SPC24: variants seen among roughly 807,000 people sequenced by gnomAD.
SPC24 encodes SPC24 component of NDC80 kinetochore complex, also known as kinetochore protein Spc24.
Under a neutral mutation model 27.6 loss-of-function variants are expected in SPC24, and 31 were observed. That is an observed-to-expected ratio of 1.12 (90% CI 0.84 to 1.52). The LOEUF (loss-of-function observed/expected upper bound fraction) is 1.52, where lower values mean the gene tolerates loss of function less well. Among genes scored for constraint, SPC24 ranks in the 40% most tolerant of loss-of-function variants. The probability of loss-of-function intolerance (pLI) is 0.00; values close to 1 mark genes in which losing one functional copy is unlikely to be tolerated. For synonymous variants in SPC24, 105 were observed against 105.8 expected, an observed-to-expected ratio of 0.99 and a Z score of 0.05; for missense variants, 284 against 252.5, an observed-to-expected ratio of 1.12 and a Z score of -0.84.
chr19:11,151,623 G>T (rs954736999), intron 1 of SPC24, among the ~76,000 whole-genome samples: 5,123 of 151,636 alleles, frequency 0.034, 299 homozygotes, highest in African/African-American at 0.12. Flanking sequence ...TTTTTTTGGG[G>T]GGGGGGGATG....
chr19:11,148,146 T>A, intron 2 of SPC24, 29 bp from the exon 3 acceptor site: 1 of 1,530,606 alleles, frequency 6.5e-7, no homozygotes, highest in East Asian at 2.3e-5. Flanking sequence ...GACCCCGGCT[T>A]TCGAGAGAGG....
Position 11,148,060 on chromosome 19 carries a change from C to G in SPC24, c.363G>C (p.Gln121His). The G allele has an allele frequency of 6.2e-7, 1 of 1,613,910 alleles. No individual in the cohort carries two copies. Among genetic ancestry groups the G allele is most frequent in the Non-Finnish European group, 8.5e-7 (1 of 1,179,886 alleles). ...TCGTGTCCTCGTCGACCTCCTTCTC[C>G]TGTCGCTCCAGATCCGCCTCAATCT... ...LKEIEADLER[Q>H]EKEVDEDTTV... Residue 121 changes from glutamine (Q) to histidine (H), a missense_variant, in exon 3 of 5, where the codon CAG (glutamine) becomes CAC (histidine). Physicochemically the swap from Gln to His is conservative, Grantham distance 24. Transcript: ENST00000592540.
Position 11,147,234 on chromosome 19 carries a change from GGA to G in SPC24, c.541_542del (p.Ser181GlnfsTer52). On this transcript the variant is annotated frameshift_variant, in exon 5 of 5. Coordinates refer to ENST00000592540, the MANE Select transcript of SPC24 (RefSeq NM_182513.4). LOFTEE classifies it high-confidence loss of function. The stretch of plus-strand genomic sequence containing the variant: ...AGAGGTAGTCGCTGATGAATTTCCT[GGA>G]GAGCTGGGTGCTGTCCAGGTGGATG... ...QPIHLDSTQL[S>X]RKFISDYLWS... 6.4e-7 allele frequency: 1 copy of G among 1,563,852 alleles called. No homozygotes were observed. The highest frequency in any genetic ancestry group is 8.7e-7 in the Non-Finnish European group (1 of 1,153,508).
rs1555812072 is a variant in SPC24, at chr19:11,146,479, A to AAAAG, written c.*703_*704insCTTT. 3 of 144,072 alleles carry AAAAG rather than the reference A, an allele frequency of 2.1e-5. No homozygotes were observed. The highest frequency in any genetic ancestry group is 7.1e-5 in the Admixed American group (1 of 14,174). 8.9% of individuals were successfully genotyped at this position (144,072 alleles called of 1,614,324 possible). A position where few individuals can be genotyped will look rare whatever the true frequency, so the allele number is the denominator to read the frequency against. The stretch of plus-strand genomic sequence containing the variant: ...AAGAAATCCAGTAAAAAAAAAAAAA[A>AAAAG]AAAAGGCCAGGCGCGGTGACTCACA... On this transcript the variant is annotated 3_prime_UTR_variant, in exon 5 of 5. Coordinates refer to ENST00000592540, the MANE Select transcript of SPC24 (RefSeq NM_182513.4).
In SPC24 at chr19:11,147,116, T is replaced by A; in HGVS notation, c.*67A>T. On this transcript the variant is annotated 3_prime_UTR_variant, in exon 5 of 5. Coordinates refer to ENST00000592540, the MANE Select transcript of SPC24 (RefSeq NM_182513.4). ...AAAAAAAGATCTATGTCCCCACATTTCATTTGAAATGGATCTGACCACGGC... is the reference window on the plus strand; with the variant it reads ...AAAAAAAGATCTATGTCCCCACATTACATTTGAAATGGATCTGACCACGGC... 1.1e-6 allele frequency: 1 copy of A among 937,134 alleles called. No homozygotes were observed. Among genetic ancestry groups the A allele is most frequent in the African/African-American group, 1.7e-5 (1 of 58,828 alleles). 58.1% of individuals were successfully genotyped at this position (937,134 alleles called of 1,614,324 possible).
chr19:11,151,101 T>C (rs1482410788), intron 1 of SPC24, among the ~76,000 whole-genome samples: 1 of 139,872 alleles, frequency 7.1e-6, no homozygotes, highest in East Asian at 2.1e-4. Flanking sequence ...AGGCGGAGCT[T>C]GCAGTGAGCC....
At chr19:11,151,639 T>C (rs1264301507) in intron 1 of SPC24, among the ~76,000 whole-genome samples, 1 of 152,006 alleles carries the variant, frequency 6.6e-6, no homozygotes, top group Non-Finnish European at 1.5e-5. Context: ...GGATGGAGTC[T>C]TGCCCTGTCA....
intron 3 of SPC24, 52 bp downstream of exon 3, chr19:11,147,961 A>G (rs1312687443): frequency 6.3e-7 from 1 of 1,598,398 alleles, no homozygotes; most frequent in East Asian, 2.2e-5. Context: ...TTCAACCAAG[A>G]GCCGGACTGC....
chr19:11,150,857 T>G (rs1568632207), intron 1 of SPC24, among the ~76,000 whole-genome samples: 1 of 149,688 alleles, frequency 6.7e-6, no homozygotes, highest in Non-Finnish European at 1.5e-5. Flanking sequence ...ACCTGCCAAC[T>G]CAGAGAATGC....
rs1038346658 is a variant in SPC24 at position 11,151,625 on chromosome 19, G to C, written c.161-2387C>G. Reference sequence around the variant, plus strand: ...TGAGGGGATACTTTTTTTTTGGGGGGGGGGGATGGAGTCTTGCCCTGTCAT... The same window carrying C: ...TGAGGGGATACTTTTTTTTTGGGGGCGGGGGATGGAGTCTTGCCCTGTCAT... On this transcript the variant is annotated intron_variant, in intron 1 of 4. Coordinates refer to ENST00000592540, the MANE Select transcript of SPC24 (RefSeq NM_182513.4). Among the ~76,000 whole-genome samples the C allele has an allele frequency of 4.1e-4, 62 of 151,792 alleles. No homozygotes were observed. The South Asian group carries it at 9.6e-3, about 23-fold the overall frequency.
At chr19:11,153,268 ACT>A (rs903865938) in intron 1 of SPC24, among the ~76,000 whole-genome samples, 2 of 148,932 alleles carry the variant, frequency 1.3e-5, no homozygotes, top group Non-Finnish European at 3.0e-5. Flanking sequence ...ACACGGTGAA[ACT>A]CTGTCTCTAC....
chr19:11,153,757 T>TG (rs1268675079), intron 1 of SPC24, among the ~76,000 whole-genome samples: 10 of 47,892 alleles, frequency 2.1e-4, no homozygotes, highest in East Asian at 1.1e-3. Context: ...AAGACTGTCC[T>TG]GGGAAAAAAA....
chr19:11,151,784 A>AT (rs1214360386), intron 1 of SPC24, among the ~76,000 whole-genome samples: 2 of 150,492 alleles, frequency 1.3e-5, no homozygotes, highest in East Asian at 2.0e-4. Flanking sequence ...TAATTTTTAT[A>AT]TTTTTACCGG....
Position 11,146,014 on chromosome 19 carries a change from A to G in SPC24, c.*1169T>C, listed in dbSNP as rs1356206492. ...AGTGATCTGCCGGCCTCTGCCTTCTACAGTGCTGGGATTGCAGGCATGAGC... is the reference window on the plus strand; with the variant it reads ...AGTGATCTGCCGGCCTCTGCCTTCTGCAGTGCTGGGATTGCAGGCATGAGC... On this transcript the variant is annotated 3_prime_UTR_variant, in exon 5 of 5. Transcript: ENST00000592540. 2.6e-5 allele frequency: 4 copies of G among 152,106 alleles called. No homozygotes were observed. The highest frequency in any genetic ancestry group is 4.2e-4 in the South Asian group (2 of 4,816). The allele number at this position is 152,106 out of a possible 1,614,324, so 9.4% of individuals were successfully genotyped here.
intron 1 of SPC24, among the ~76,000 whole-genome samples, chr19:11,155,225 G>C (rs1938543770): frequency 6.6e-6 from 1 of 152,168 alleles, no homozygotes; most frequent in African/African-American, 2.4e-5. Flanking sequence ...TGACAAGGAA[G>C]GAAGCTGAGG....
chr19:11,147,239 G>A lies in SPC24; in HGVS notation c.538C>T (p.Leu180Phe), dbSNP rs867220436. The A allele has an allele frequency of 6.4e-7, 1 of 1,565,394 alleles. No homozygotes were observed. Among genetic ancestry groups the A allele is most frequent in the East Asian group, 2.4e-5 (1 of 42,350 alleles). ...AQPIHLDSTQ[L>F]SRKFISDYLW... ...TAGTCGCTGATGAATTTCCTGGAGA[G>A]CTGGGTGCTGTCCAGGTGGATGGGC... The change falls in exon 5 of 5, where the codon CTC becomes TTC. Residue 180 changes from leucine (L) to phenylalanine (F), a missense_variant. Physicochemically the swap from Leu to Phe is conservative, Grantham distance 22 (BLOSUM62 0). Transcript: ENST00000592540.
At position 11,149,107 on chromosome 19, in the gene SPC24, T is replaced by C. The variant is rs2077850837; in HGVS notation, c.292A>G (p.Lys98Glu). ...QEAGEEDTRL[K>E]ASLLQLTREL... ...AGAAAAGGATATAGGAGGCTGGCCT[T>C]CAGACGGGTGTCCTCCTCCCCAGCC... The change falls in exon 2 of 5, where the codon AAG (lysine) becomes GAG (glutamate). Residue 98 changes from lysine to glutamate, a missense_variant. Coordinates refer to ENST00000592540, the MANE Select transcript of SPC24 (RefSeq NM_182513.4). 3.2e-6 allele frequency: 5 copies of C among 1,540,164 alleles called. No individual in the cohort carries two copies. Among genetic ancestry groups the C allele is most frequent in the South Asian group, 1.2e-5 (1 of 82,744 alleles).
chr19:11,147,208 C>T lies in SPC24; in HGVS notation c.569G>A (p.Trp190Ter), dbSNP rs960809690. 1 of 1,555,750 alleles carries T rather than the reference C, an allele frequency of 6.4e-7. No homozygotes were observed. The highest frequency in any genetic ancestry group is 8.7e-7 in the Non-Finnish European group (1 of 1,149,192). Residue 190 changes from tryptophan to a stop codon, truncating the protein, a stop_gained, in exon 5 of 5, where the codon TGG becomes TAG. Coordinates refer to ENST00000592540, the MANE Select transcript of SPC24 (RefSeq NM_182513.4). LOFTEE classifies it high-confidence loss of function. ...CTACCACTCGGTGTCCACCAGACTC[C>T]AGAGGTAGTCGCTGATGAATTTCCT... Reference protein sequence around the residue: ...LSRKFISDYLWSLVDTEW With the variant: ...LSRKFISDYL
intron 2 of SPC24, among the ~76,000 whole-genome samples, chr19:11,148,602 T>C (rs2077847634): frequency 6.6e-6 from 1 of 152,010 alleles, no homozygotes; most frequent in East Asian, 1.9e-4. Flanking sequence ...CACCTCGGCC[T>C]CCCAAGTAGC....
Sources: gnomAD v4.1 joint callset for allele counts (sites outside exome capture counted in the v4.1 genomes callset) on GRCh38, gnomAD v4.1.1 for gene constraint, MANE v1.5 for transcripts, NCBI Gene and HGNC (gene_info 2026-07-23, HGNC 2026-07-21) for gene names.